The following DCC variants were observed in gnomAD, a reference collection of about 807,000 sequenced individuals.
DCC encodes the protein netrin receptor DCC.
DCC carries 58 observed loss-of-function variants against 172.5 expected under a neutral mutation model. The observed-to-expected ratio is 0.34, with a 90% CI of 0.27 to 0.42. The LOEUF (loss-of-function observed/expected upper bound fraction) is 0.42, where lower values mean the gene tolerates loss of function less well. DCC is among the 10% of genes least tolerant of loss of function. DCC has a pLI of 1.00. For synonymous variants in DCC, 709 were observed against 644.5 expected, an observed-to-expected ratio of 1.10 and a Z score of -1.52; for missense variants, 1,740 against 1,791.0, an observed-to-expected ratio of 0.97 and a Z score of 0.51.
At chr18:53,268,923 AT>A (rs1420992041) in intron 12 of DCC, among the ~76,000 whole-genome samples, 1 of 152,192 alleles carries the variant, frequency 6.6e-6, no homozygotes, top group Non-Finnish European at 1.5e-5. Context: ...ATAGAAGGCA[AT>A]TGCTTTTTAT....
At chr18:52,532,632 CA>C (rs1397177376) in intron 1 of DCC, among the ~76,000 whole-genome samples, 1 of 151,902 alleles carries the variant, frequency 6.6e-6, no homozygotes, top group Non-Finnish European at 1.5e-5. Context: ...ACCCTTTTTT[CA>C]AATGAGTAAT....
intron 1 of DCC, among the ~76,000 whole-genome samples, chr18:52,651,098 A>G (rs72929111): frequency 0.066 from 9,976 of 152,266 alleles, 419 homozygotes; most frequent in East Asian, 0.17. Context: ...AACCACTGTC[A>G]ATAATTTTCT....
At chr18:52,429,738 T>A (rs770691972) in intron 1 of DCC, among the ~76,000 whole-genome samples, 1 of 152,140 alleles carries the variant, frequency 6.6e-6, no homozygotes, top group South Asian at 2.1e-4. Context: ...TTATAACAAA[T>A]CTTAATTTCT....
At chr18:52,980,138 A>T (rs915747157) in intron 5 of DCC, among the ~76,000 whole-genome samples, 4 of 152,114 alleles carry the variant, frequency 2.6e-5, no homozygotes, top group African/African-American at 9.7e-5. Context: ...TGCAAGTCCC[A>T]AAAGATATGC....
At chr18:52,909,230 CAT>C (rs2039933141) in intron 3 of DCC, among the ~76,000 whole-genome samples, 1 of 152,110 alleles carries the variant, frequency 6.6e-6, no homozygotes, top group African/African-American at 2.4e-5. Context: ...TAATAAATTA[CAT>C]ATATAATACA....
intron 5 of DCC, among the ~76,000 whole-genome samples, chr18:53,034,598 A>T (rs547901530): frequency 3.3e-4 from 50 of 151,848 alleles, no homozygotes; most frequent in Non-Finnish European, 5.6e-4. Flanking sequence ...CTCTCAGCTG[A>T]TCTCCTTATT....
chr18:52,925,264 C>T lies in DCC; in HGVS notation c.879C>T (p.Ser293=). ...RSKKYSLLGG[S]NLLISNVTDD... is the part of the protein sequence containing the mutation. ...AAAAGTATTCTTTATTGGGTGGAAG[C>T]AACTTGCTTATCTCCAATGTGACAG... The change falls in exon 5 of 29, where the codon AGC becomes AGT. Residue 293 remains serine, a synonymous_variant. Coordinates refer to ENST00000442544, the MANE Select transcript of DCC (RefSeq NM_005215.4). 6.2e-7 allele frequency: 1 copy of T among 1,612,522 alleles called. No homozygotes were observed. The highest frequency in any genetic ancestry group is 8.5e-7 in the Non-Finnish European group (1 of 1,178,802).
intron 1 of DCC, among the ~76,000 whole-genome samples, chr18:52,521,577 A>G (rs2031819725): frequency 6.6e-6 from 1 of 152,076 alleles, no homozygotes; most frequent in Admixed American, 6.6e-5. Flanking sequence ...TATTCGTGGC[A>G]GGGTGGGGCA....
chr18:53,371,360 A>G (rs1272584331), intron 15 of DCC, among the ~76,000 whole-genome samples: 1 of 152,008 alleles, frequency 6.6e-6, no homozygotes, highest in East Asian at 1.9e-4. Flanking sequence ...CCCAGTCCAC[A>G]GTTTTCAAAG....
At chr18:52,368,669 G>A (rs572568345) in intron 1 of DCC, among the ~76,000 whole-genome samples, 76 of 152,258 alleles carry the variant, frequency 5.0e-4, no homozygotes, top group South Asian at 1.9e-3. Context: ...TTAAGAATTA[G>A]ACTACTTGCA....
chr18:53,321,574 GA>G (rs1315027430), intron 13 of DCC, among the ~76,000 whole-genome samples: 6 of 152,098 alleles, frequency 3.9e-5, no homozygotes, highest in Non-Finnish European at 8.8e-5. Flanking sequence ...ATGGTTTTAA[GA>G]GACAAAAGCC....
At position 52,891,976 on chromosome 18, in the gene DCC, C is replaced by A. The variant is rs2039656840; in HGVS notation, c.413-14068C>A. 1.3e-5 allele frequency among the ~76,000 whole-genome samples: 2 copies of A among 152,052 alleles called. 1 individual carries two copies. The highest frequency in any genetic ancestry group is 2.9e-5 in the Non-Finnish European group (2 of 67,980). ...ATCACGTCATTTCCTTGCTTAAAATCCCTTAATAACATCTCAGTGTGGTTG... is the reference window on the plus strand; with the variant it reads ...ATCACGTCATTTCCTTGCTTAAAATACCTTAATAACATCTCAGTGTGGTTG... On this transcript the variant is annotated intron_variant, in intron 2 of 28. Transcript: ENST00000442544.
chr18:52,991,952 A>G (rs1210568308), intron 5 of DCC, among the ~76,000 whole-genome samples: 1 of 152,220 alleles, frequency 6.6e-6, no homozygotes, highest in Admixed American at 6.5e-5. Flanking sequence ...GGGATATTTT[A>G]CCATAGAAGT....
At chr18:53,175,230 G>A (rs1282469018) in intron 8 of DCC, among the ~76,000 whole-genome samples, 1 of 151,984 alleles carries the variant, frequency 6.6e-6, no homozygotes, top group Non-Finnish European at 1.5e-5. Flanking sequence ...ATACTGAATG[G>A]GCAAAAACTG....
chr18:52,581,736 C>T (rs925218152), intron 1 of DCC, among the ~76,000 whole-genome samples: 4 of 152,072 alleles, frequency 2.6e-5, no homozygotes, highest in African/African-American at 9.7e-5. Context: ...TGGTGACTTT[C>T]TAGACTAACA....
At chr18:52,825,996 CTCTT>C (rs1431972031) in intron 2 of DCC, among the ~76,000 whole-genome samples, 2 of 152,196 alleles carry the variant, frequency 1.3e-5, no homozygotes, top group African/African-American at 4.8e-5. Context: ...TTTCAAATAA[CTCTT>C]TCTCCCAAGT....
intron 9 of DCC, among the ~76,000 whole-genome samples, chr18:53,180,777 T>C (rs533647282): frequency 7.6e-4 from 115 of 152,218 alleles, no homozygotes; most frequent in Non-Finnish European, 1.3e-3. Flanking sequence ...GATTCCCAGC[T>C]AATTTTTGTA....
At chr18:53,340,778 T>C (rs555707558) in intron 15 of DCC, among the ~76,000 whole-genome samples, 6 of 152,270 alleles carry the variant, frequency 3.9e-5, no homozygotes, top group Non-Finnish European at 7.4e-5. Context: ...CCTGTTGATT[T>C]AATACCGTAT....
intron 1 of DCC, among the ~76,000 whole-genome samples, chr18:52,368,618 G>GACCA (rs986360986): frequency 1.3e-5 from 2 of 152,074 alleles, no homozygotes; most frequent in African/African-American, 4.8e-5. Flanking sequence ...AGTGCTGATG[G>GACCA]GTGACTTTTT....
Sources: allele counts gnomAD v4.1 joint callset (sites outside exome capture counted in the v4.1 genomes callset), GRCh38; gene constraint gnomAD v4.1.1; transcripts MANE v1.5; gene names NCBI Gene and HGNC (gene_info 2026-07-23, HGNC 2026-07-21).